Variants in RNF180 observed in about 807,000 individuals in gnomAD.
The protein encoded by RNF180 is ring finger protein 180.
A neutral mutation model predicts 59.2 loss-of-function variants in RNF180; 38 were observed. The ratio of observed to expected loss-of-function variants is 0.64; its 90% CI spans 0.50 to 0.84. RNF180 has a LOEUF of 0.84. RNF180 is among the 40% of genes least tolerant of loss of function. RNF180 has a pLI of 0.00. For synonymous variants in RNF180, 262 were observed against 240.3 expected, an observed-to-expected ratio of 1.09 and a Z score of -0.84; for missense variants, 705 against 700.9, an observed-to-expected ratio of 1.01 and a Z score of -0.07.
rs549189436 is a variant in RNF180, at chr5:64,285,052, C to T, written c.1228-40134C>T. Among the ~76,000 whole-genome samples, 30 of 152,270 alleles carry T rather than the reference C, an allele frequency of 2.0e-4. 1 individual carries two copies. The South Asian group carries it at 6.0e-3, about 30-fold the overall frequency. On this transcript the variant is annotated intron_variant, in intron 5 of 7. Transcript: ENST00000389100. ...ATCATGGCATATGGTGGGTTCACCT[C>T]AGTGGCTTCCTTTCTGGAAGATTTC...
chr5:64,252,223 C>T, intron 5 of RNF180, among the ~76,000 whole-genome samples: 1 of 152,040 alleles, frequency 6.6e-6, no homozygotes, highest in East Asian at 1.9e-4. Context: ...GAAATAAATC[C>T]ATGCATGTAC....
At chr5:64,344,431 A>G (rs1745474905) in intron 7 of RNF180, among the ~76,000 whole-genome samples, 1 of 152,176 alleles carries the variant, frequency 6.6e-6, no homozygotes, top group Admixed American at 6.5e-5. Context: ...GTTTCAAAAT[A>G]TATGAAACAA....
intron 5 of RNF180, among the ~76,000 whole-genome samples, chr5:64,242,182 T>C (rs1742847470): frequency 6.6e-6 from 1 of 152,198 alleles, no homozygotes; most frequent in African/African-American, 2.4e-5. Flanking sequence ...GGCTCTGGGC[T>C]TCTGTCAGCC....
intron 5 of RNF180, among the ~76,000 whole-genome samples, chr5:64,262,716 GT>G (rs977843089): frequency 1.3e-5 from 2 of 152,086 alleles, no homozygotes; most frequent in African/African-American, 4.8e-5. Context: ...AGGATTTTTG[GT>G]TTTTTGTAAT....
intron 1 of RNF180, among the ~76,000 whole-genome samples, chr5:64,185,743 A>T (rs1035623678): frequency 2.0e-5 from 3 of 152,298 alleles, no homozygotes; most frequent in Non-Finnish European, 1.5e-5. Context: ...GACTACAAAA[A>T]CTTGAGCTAC....
intron 5 of RNF180, among the ~76,000 whole-genome samples, chr5:64,294,166 G>A (rs78032189): frequency 1.3e-5 from 2 of 152,004 alleles, no homozygotes; most frequent in Non-Finnish European, 2.9e-5. Flanking sequence ...TAACTGAATG[G>A]TACATTTAAA....
At chr5:64,182,039 T>C (rs1015768942) in intron 1 of RNF180, among the ~76,000 whole-genome samples, 3 of 143,328 alleles carry the variant, frequency 2.1e-5, no homozygotes, top group Non-Finnish European at 4.5e-5. Context: ...TCTTCCAGGC[T>C]GGAGTGCAGT....
intron 1 of RNF180, among the ~76,000 whole-genome samples, chr5:64,184,016 C>T (rs1036231691): frequency 2.0e-5 from 3 of 152,136 alleles, no homozygotes; most frequent in Admixed American, 6.5e-5. Context: ...AGTGTGGGCC[C>T]TAATCCAATC....
At position 64,325,278 on chromosome 5, in the gene RNF180, C is replaced by T; in HGVS notation, c.1320C>T (p.Phe440=). The T allele has an allele frequency of 6.4e-7, 1 of 1,551,460 alleles. No individual in the cohort carries two copies. The highest frequency in any genetic ancestry group is 8.7e-7 in the Non-Finnish European group (1 of 1,146,782). ...YICAVCLDVY[F]NPYMCYPCHH... ...GTGCAGTGTGTCTGGACGTTTATTT[C>T]AACCCTTATATGTGTTACCCTTGCC... Residue 440 remains phenylalanine, a synonymous_variant, in exon 6 of 8, where the codon TTC becomes TTT. Transcript: ENST00000389100.
intron 7 of RNF180, among the ~76,000 whole-genome samples, chr5:64,351,638 C>G (rs1424082701): frequency 6.6e-6 from 1 of 151,526 alleles, no homozygotes; most frequent in Non-Finnish European, 1.5e-5. Flanking sequence ...TGTCAAAGGC[C>G]TTTTCTGCAT....
intron 5 of RNF180, among the ~76,000 whole-genome samples, chr5:64,257,057 C>G (rs1028821134): frequency 9.2e-5 from 14 of 152,094 alleles, no homozygotes; most frequent in Admixed American, 2.6e-4. Context: ...GATTTTGTAT[C>G]CTGAGACTTT....
intron 5 of RNF180, among the ~76,000 whole-genome samples, chr5:64,285,593 A>C (rs549638345): frequency 8.5e-5 from 13 of 152,212 alleles, no homozygotes; most frequent in African/African-American, 3.1e-4. Context: ...CTGCCAGTGA[A>C]AGAGCTATGA....
intron 5 of RNF180, among the ~76,000 whole-genome samples, chr5:64,260,411 G>A (rs1384245586): frequency 6.6e-6 from 1 of 152,036 alleles, no homozygotes; most frequent in African/African-American, 2.4e-5. Flanking sequence ...TCTTTCTTTT[G>A]AAGTAAATTA....
intron 7 of RNF180, among the ~76,000 whole-genome samples, chr5:64,364,556 C>T (rs1746375773): frequency 6.6e-6 from 1 of 151,636 alleles, no homozygotes; most frequent in Admixed American, 6.6e-5. Context: ...TGTGTCTCTG[C>T]AAGGCTTTGC....
At chr5:64,204,386 C>G (rs1751912258) in intron 2 of RNF180, among the ~76,000 whole-genome samples, 5 of 152,154 alleles carry the variant, frequency 3.3e-5, no homozygotes, top group Admixed American at 3.3e-4. Flanking sequence ...CTTTACTGGG[C>G]AATGCTGTTT....
intron 5 of RNF180, among the ~76,000 whole-genome samples, chr5:64,242,392 C>A (rs554965647): frequency 1.3e-5 from 2 of 152,040 alleles, no homozygotes; most frequent in East Asian, 3.9e-4. Flanking sequence ...TGTCAGTGAC[C>A]CTAATTAAAT....
intron 7 of RNF180, among the ~76,000 whole-genome samples, chr5:64,330,938 G>A (rs1744879285): frequency 6.6e-6 from 1 of 152,228 alleles, no homozygotes; most frequent in Non-Finnish European, 1.5e-5. Context: ...TTGGGGACTG[G>A]GGAAGCCCCC....
rs778322806 is a variant in RNF180 at position 64,261,171 on chromosome 5, T to C, written c.1227+43775T>C. 6.6e-5 allele frequency among the ~76,000 whole-genome samples: 10 copies of C among 152,210 alleles called. 1 individual carries two copies. Among genetic ancestry groups the C allele is most frequent in the Non-Finnish European group, 1.5e-4 (10 of 68,026 alleles). ...CATTCACTGATCATTTGGCATATCA[T>C]ATCTACGTACAACATCAGCCTTGGA... On this transcript the variant is annotated intron_variant, in intron 5 of 7. Transcript: ENST00000389100.
At chr5:64,328,115 C>T (rs1316619718) in intron 6 of RNF180, among the ~76,000 whole-genome samples, 2 of 152,154 alleles carry the variant, frequency 1.3e-5, no homozygotes, top group Non-Finnish European at 2.9e-5. Context: ...TTTGTATTAT[C>T]TGCCATGACA....
Sources: allele counts gnomAD v4.1 joint callset (sites outside exome capture counted in the v4.1 genomes callset), GRCh38; gene constraint gnomAD v4.1.1; transcripts MANE v1.5; gene names NCBI Gene and HGNC (gene_info 2026-07-23, HGNC 2026-07-21).